Variants in SAMD13 observed in about 807,000 individuals in gnomAD.
The protein encoded by SAMD13 is sterile alpha motif domain-containing protein 13.
A neutral mutation model predicts 12.4 loss-of-function variants in SAMD13; 9 were observed. That is an observed-to-expected ratio of 0.72 (90% CI 0.44 to 1.26). The LOEUF (loss-of-function observed/expected upper bound fraction) is 1.26, where lower values mean the gene tolerates loss of function less well. SAMD13 is among the 50% of genes most tolerant of loss of function. SAMD13 has a pLI of 0.00. For synonymous variants in SAMD13, 46 were observed against 45.4 expected, an observed-to-expected ratio of 1.01 and a Z score of -0.05; for missense variants, 84 against 119.6, an observed-to-expected ratio of 0.70 and a Z score of 1.39.
At position 84,325,608 on chromosome 1, in the gene SAMD13, T is replaced by C. The variant is rs770838627; in HGVS notation, c.54-29T>C. On this transcript the variant is annotated intron_variant, in intron 2 of 3. Transcript: ENST00000394834. ...CCACACCCTTGTGCAGGCACTGCCA[T>C]GACAACTGTCTGGATTTGTGTTTTG... 4.3e-6 allele frequency: 6 copies of C among 1,387,164 alleles called. No individual in the cohort carries two copies. In the East Asian group the frequency reaches 1.4e-4, roughly 32 times the overall value. The allele number at this position is 1,387,164 out of a possible 1,614,324, so 85.9% of individuals were successfully genotyped here. A position where few individuals can be genotyped will look rare whatever the true frequency, so the allele number is the denominator to read the frequency against.
intron 1 of SAMD13, chr1:84,302,625 T>C: frequency 1.0e-6 from 1 of 986,506 alleles, no homozygotes; most frequent in Non-Finnish European, 1.2e-6. Flanking sequence ...TTTTGTGAGC[T>C]TCCTGCTTTA....
intron 3 of SAMD13, among the ~76,000 whole-genome samples, chr1:84,349,355 T>C (rs979555360): frequency 6.6e-6 from 1 of 152,230 alleles, no homozygotes; most frequent in Non-Finnish European, 1.5e-5. Context: ...TAAGGGTACA[T>C]GCAGTAAGCT....
chr1:84,325,791 CCA>C (rs1679047188), intron 3 of SAMD13, 43 bp downstream of exon 3: 1 of 1,166,346 alleles, frequency 8.6e-7, no homozygotes, highest in Non-Finnish European at 1.3e-6. Flanking sequence ...TGTGATGAAC[CCA>C]CAGTTACCTC....
chr1:84,340,852 G>A (rs1679409114), intron 3 of SAMD13, among the ~76,000 whole-genome samples: 1 of 152,222 alleles, frequency 6.6e-6, no homozygotes, highest in Admixed American at 6.5e-5. Context: ...GTCTGTGGGA[G>A]TGTTGGTGAA....
chr1:84,340,806 T>C (rs1558462678), intron 3 of SAMD13, among the ~76,000 whole-genome samples: 1 of 152,220 alleles, frequency 6.6e-6, no homozygotes, highest in Non-Finnish European at 1.5e-5. Flanking sequence ...GGCTAAGAGA[T>C]GCCCAGATGG....
intron 2 of SAMD13, among the ~76,000 whole-genome samples, chr1:84,312,892 A>G (rs1570233009): frequency 2.0e-5 from 3 of 152,262 alleles, no homozygotes; most frequent in South Asian, 4.1e-4. Context: ...AAATTCTTGC[A>G]TCAGGGGAAA....
chr1:84,305,100 C>G (rs1427816217), intron 2 of SAMD13, among the ~76,000 whole-genome samples: 1 of 152,138 alleles, frequency 6.6e-6, no homozygotes, highest in Non-Finnish European at 1.5e-5. Flanking sequence ...AACTGCCAAA[C>G]TGTTTTCTAA....
At chr1:84,325,927 G>T (rs1679050655) in intron 3 of SAMD13, among the ~76,000 whole-genome samples, 179 bp downstream of exon 3, 1 of 152,162 alleles carries the variant, frequency 6.6e-6, no homozygotes, top group African/African-American at 2.4e-5. Flanking sequence ...ATCCCTTTGT[G>T]CAAGGGGAAA....
chr1:84,306,961 T>C (rs1011252030), intron 2 of SAMD13, among the ~76,000 whole-genome samples: 11 of 152,080 alleles, frequency 7.2e-5, no homozygotes, highest in Non-Finnish European at 1.6e-4. Flanking sequence ...TTTTTCTGTA[T>C]ACTTTTAGAT....
At chr1:84,306,856 A>ATAAT (rs1553199897) in intron 2 of SAMD13, among the ~76,000 whole-genome samples, 3,087 of 141,744 alleles carry the variant, frequency 0.022, 111 homozygotes, top group African/African-American at 0.075. Flanking sequence ...AATAATAATA[A>ATAAT]AATAAAATAA....
At chr1:84,337,189 G>C (rs980202136) in intron 3 of SAMD13, among the ~76,000 whole-genome samples, 1 of 152,146 alleles carries the variant, frequency 6.6e-6, no homozygotes, top group African/African-American at 2.4e-5. Flanking sequence ...CTGGGGTCTG[G>C]AGGATGGTGG....
At chr1:84,311,443 G>C (rs1678710759) in intron 2 of SAMD13, among the ~76,000 whole-genome samples, 1 of 151,910 alleles carries the variant, frequency 6.6e-6, no homozygotes, top group Non-Finnish European at 1.5e-5. Context: ...GCAAATCTTT[G>C]TAAATCTTTT....
At chr1:84,334,174 A>C (rs1023623754) in intron 3 of SAMD13, among the ~76,000 whole-genome samples, 1 of 152,018 alleles carries the variant, frequency 6.6e-6, no homozygotes, top group Non-Finnish European at 1.5e-5. Context: ...CTGTAAATCC[A>C]TCTGGTCCTG....
chr1:84,333,664 A>C (rs929299646), intron 3 of SAMD13, among the ~76,000 whole-genome samples: 1 of 152,146 alleles, frequency 6.6e-6, no homozygotes. Context: ...TATCATCTGC[A>C]AACAAGAATA....
chr1:84,349,641 G>GA lies in SAMD13; in HGVS notation c.180dup (p.Ser61IlefsTer9). On this transcript the variant is annotated frameshift_variant, in exon 4 of 4. Coordinates refer to ENST00000394834, the MANE Select transcript of SAMD13 (RefSeq NM_001134663.2). LOFTEE classifies it high-confidence loss of function. ...CTGCTTCCATTATAGGAAATTGATG[G>GA]AAAATCCCTGCTATTGATGACAAGA... The GA allele has an allele frequency of 6.2e-7, 1 of 1,613,204 alleles. No homozygotes were observed. The highest frequency in any genetic ancestry group is 8.5e-7 in the Non-Finnish European group (1 of 1,179,496).
intron 3 of SAMD13, among the ~76,000 whole-genome samples, chr1:84,326,534 G>A (rs1679063702): frequency 6.6e-6 from 1 of 152,124 alleles, no homozygotes; most frequent in Middle Eastern, 3.2e-3. Context: ...TAGGTTTGCA[G>A]GGTTGGTCTT....
At chr1:84,330,982 C>T (rs926025051) in intron 3 of SAMD13, among the ~76,000 whole-genome samples, 1 of 152,072 alleles carries the variant, frequency 6.6e-6, no homozygotes, top group Non-Finnish European at 1.5e-5. Context: ...AGTATCTTTA[C>T]TCTGAAATGC....
upstream of SAMD13, among the ~76,000 whole-genome samples, chr1:84,300,290 T>C (rs1041616026): frequency 6.6e-6 from 1 of 152,224 alleles, no homozygotes; most frequent in African/African-American, 2.4e-5. Flanking sequence ...TAGATTACTA[T>C]TGTTTGCCTT....
chr1:84,300,157 T>A (rs974275106), upstream of SAMD13, among the ~76,000 whole-genome samples: 1 of 152,158 alleles, frequency 6.6e-6, no homozygotes, highest in Non-Finnish European at 1.5e-5. Flanking sequence ...CGTTAAGGAA[T>A]CTGTTAGTGA....
Sources: allele counts gnomAD v4.1 joint callset (sites outside exome capture counted in the v4.1 genomes callset), GRCh38; gene constraint gnomAD v4.1.1; transcripts MANE v1.5; gene names NCBI Gene and HGNC (gene_info 2026-07-23, HGNC 2026-07-21).